The following VPS13B variants were observed in gnomAD, a reference collection of about 807,000 sequenced individuals.
VPS13B encodes intermembrane lipid transfer protein VPS13B.
Under a neutral mutation model 426.4 loss-of-function variants are expected in VPS13B, and 285 were observed. The ratio of observed to expected loss-of-function variants is 0.67; its 90% confidence interval spans 0.61 to 0.74. The LOEUF (loss-of-function observed/expected upper bound fraction) is 0.74, where lower values mean the gene tolerates loss of function less well. Ranked by LOEUF, VPS13B falls within the 30% of genes least tolerant of loss-of-function variation. The probability of loss-of-function intolerance (pLI) is 0.00; values close to 1 mark genes in which losing one functional copy is unlikely to be tolerated. For missense variants in VPS13B, 4,537 were observed against 4,782.6 expected, an observed-to-expected ratio of 0.95 and a Z score of 1.51; for synonymous variants, 1,676 against 1,676.4, an observed-to-expected ratio of 1.00 and a Z score of 0.01.
chr8:99,400,871 C>T (rs1188706852), intron 21 of VPS13B, among the ~76,000 whole-genome samples: 1 of 152,092 alleles, frequency 6.6e-6, no homozygotes, highest in African/African-American at 2.4e-5. Flanking sequence ...AGGGTTTCAC[C>T]ATGTTGGCCA....
intron 3 of VPS13B, among the ~76,000 whole-genome samples, chr8:99,076,081 T>A (rs927387656): frequency 6.6e-6 from 1 of 152,224 alleles, no homozygotes; most frequent in Admixed American, 6.5e-5. Flanking sequence ...TTTAATGAAA[T>A]TTTTTAATGT....
At chr8:99,755,738 C>A (rs1170057182) in intron 39 of VPS13B, among the ~76,000 whole-genome samples, 1 of 152,126 alleles carries the variant, frequency 6.6e-6, no homozygotes. Flanking sequence ...CACTGCCCTG[C>A]AGCCTGGGCA....
chr8:99,346,467 A>C (rs1035608014), intron 19 of VPS13B: 1 of 152,182 alleles, frequency 6.6e-6, no homozygotes, highest in Non-Finnish European at 1.5e-5. Flanking sequence ...CCTGGTGACA[A>C]CATTACCTAA....
At chr8:99,327,012 T>A (rs1352843555) in intron 19 of VPS13B, among the ~76,000 whole-genome samples, 1 of 152,178 alleles carries the variant, frequency 6.6e-6, no homozygotes, top group African/African-American at 2.4e-5. Context: ...TTTATGAGAT[T>A]TCTTCCCCTA....
At chr8:99,863,561 G>C (rs1371818393) in intron 58 of VPS13B, among the ~76,000 whole-genome samples, 6 of 152,048 alleles carry the variant, frequency 3.9e-5, no homozygotes, top group Non-Finnish European at 7.4e-5. Context: ...CTTCCTGCCC[G>C]AGGGTTCCAG....
At chr8:99,084,247 G>A (rs565029443) in intron 3 of VPS13B, among the ~76,000 whole-genome samples, 1 of 152,298 alleles carries the variant, frequency 6.6e-6, no homozygotes, top group African/African-American at 2.4e-5. Flanking sequence ...GCGCAGAGGT[G>A]TTTGTAGTAT....
intron 17 of VPS13B, among the ~76,000 whole-genome samples, chr8:99,195,154 C>T (rs1813842644): frequency 1.3e-5 from 2 of 152,110 alleles, no homozygotes; most frequent in African/African-American, 4.8e-5. Flanking sequence ...TCATTCCCAC[C>T]AATGGTATTC....
intron 17 of VPS13B, among the ~76,000 whole-genome samples, chr8:99,252,822 A>T (rs1817568600): frequency 6.6e-6 from 1 of 152,096 alleles, no homozygotes; most frequent in Non-Finnish European, 1.5e-5. Context: ...TTAAAAAAAA[A>T]TTGAGATAAA....
intron 12 of VPS13B, among the ~76,000 whole-genome samples, 198 bp downstream of exon 12, chr8:99,136,950 T>C (rs1249138839): frequency 1.3e-5 from 2 of 152,188 alleles, no homozygotes; most frequent in Non-Finnish European, 2.9e-5. Context: ...TTTATACAGC[T>C]GACTGAAGAC....
intron 30 of VPS13B, among the ~76,000 whole-genome samples, chr8:99,529,513 A>T (rs1327383739): frequency 6.6e-6 from 1 of 152,176 alleles, no homozygotes; most frequent in East Asian, 1.9e-4. Context: ...AAAAACTCTT[A>T]TATACTATAT....
chr8:99,481,391 C>T (rs1820028667), intron 24 of VPS13B, among the ~76,000 whole-genome samples: 1 of 151,998 alleles, frequency 6.6e-6, no homozygotes, highest in Admixed American at 6.6e-5. Context: ...GGTTTTAATC[C>T]ACAGGAATGC....
chr8:99,389,339 A>G (rs181525518), intron 20 of VPS13B, among the ~76,000 whole-genome samples: 6 of 152,164 alleles, frequency 3.9e-5, no homozygotes, highest in African/African-American at 1.2e-4. Context: ...TAGCACATAA[A>G]TTTTCTCTAG....
Position 99,121,286 on chromosome 8 carries a change from C to G in VPS13B, c.1047C>G (p.Ala349=), listed in dbSNP as rs751477638. 6.2e-7 allele frequency: 1 copy of G among 1,614,024 alleles called. No homozygotes were observed. Among genetic ancestry groups the G allele is most frequent in the South Asian group, 1.1e-5 (1 of 91,076 alleles). ...EEQPQGWVSW[A]WSFVPAIVSY... ...AGCCACAGGGATGGGTGTCATGGGC[C>G]TGGTCCTTTGTGCCTGCAATTGTGA... Residue 349 remains alanine, a synonymous_variant, in exon 8 of 62, where the codon GCC becomes GCG. Transcript: ENST00000357162.
At chr8:99,847,794 G>T (rs1347719061) in intron 54 of VPS13B, among the ~76,000 whole-genome samples, 1 of 152,212 alleles carries the variant, frequency 6.6e-6, no homozygotes, top group Non-Finnish European at 1.5e-5. Flanking sequence ...GCTTTCTCCT[G>T]TGGTTCTGTG....
At chr8:99,366,636 T>C (rs1387099236) in intron 19 of VPS13B, among the ~76,000 whole-genome samples, 1 of 151,996 alleles carries the variant, frequency 6.6e-6, no homozygotes, top group Non-Finnish European at 1.5e-5. Flanking sequence ...CTTCTGCCGT[T>C]TCTTATTGTT....
intron 20 of VPS13B, among the ~76,000 whole-genome samples, chr8:99,386,050 C>T (rs1024802829): frequency 9.2e-5 from 14 of 152,258 alleles, no homozygotes; most frequent in African/African-American, 3.4e-4. Context: ...AGAAAGTTTA[C>T]TCTAGCAGAA....
At chr8:99,019,251 G>T (rs1841770504) in intron 2 of VPS13B, among the ~76,000 whole-genome samples, 1 of 146,638 alleles carries the variant, frequency 6.8e-6, no homozygotes, top group African/African-American at 2.6e-5. Flanking sequence ...TTGTTGCCCA[G>T]GCTGGAGTGC....
chr8:99,013,784 A>T lies in VPS13B; in HGVS notation c.-5A>T. ...GCTTCCGACTTCGACTCCTTACCTT[A>T]AAAGATGCTGGAGTCATATGTAACT... On this transcript the variant is annotated 5_prime_UTR_variant, in exon 2 of 62. Coordinates refer to ENST00000357162, the MANE Select transcript of VPS13B (RefSeq NM_152564.5). 1 of 1,614,096 alleles carries T rather than the reference A, an allele frequency of 6.2e-7. No homozygotes were observed. Among genetic ancestry groups the T allele is most frequent in the African/African-American group, 1.3e-5 (1 of 75,022 alleles).
intron 17 of VPS13B, among the ~76,000 whole-genome samples, chr8:99,224,997 T>C (rs1174210502): frequency 1.3e-5 from 2 of 152,218 alleles, no homozygotes; most frequent in Admixed American, 1.3e-4. Flanking sequence ...GAGTCCGGTG[T>C]ATATTTTGTA....
Sources: allele counts gnomAD v4.1 joint callset (sites outside exome capture counted in the v4.1 genomes callset), GRCh38; gene constraint gnomAD v4.1.1; transcripts MANE v1.5; gene names NCBI Gene and HGNC (gene_info 2026-07-23, HGNC 2026-07-21).